The following BOC variants were observed in gnomAD, a reference collection of about 807,000 sequenced individuals.
The protein encoded by BOC is brother of CDO.
Under a neutral mutation model 112.0 loss-of-function variants are expected in BOC, and 76 were observed. The ratio of observed to expected loss-of-function variants is 0.68; its 90% CI spans 0.56 to 0.82. The LOEUF (loss-of-function observed/expected upper bound fraction) is 0.82, where lower values mean the gene tolerates loss of function less well. Ranked by LOEUF, BOC falls within the 40% of genes least tolerant of loss-of-function variation. The probability of loss-of-function intolerance (pLI) is 0.00; values close to 1 mark genes in which losing one functional copy is unlikely to be tolerated. For synonymous variants in BOC, 580 were observed against 599.8 expected (o/e 0.97, Z 0.48); for missense variants, 1,309 against 1,511.7 (o/e 0.87, Z 2.22).
chr3:113,281,173 C>G lies in BOC; in HGVS notation c.2434+20C>G. The G allele has an allele frequency of 6.2e-7, 1 of 1,613,398 alleles. No homozygotes were observed. Among genetic ancestry groups the G allele is most frequent in the Non-Finnish European group, 8.5e-7 (1 of 1,179,558 alleles). ...CCAAAGGTGAAGCTCTTTGGGTTCTCTCTCCTGTCTTGGTGTTTCCAGCGA... is the reference window on the plus strand; with the variant it reads ...CCAAAGGTGAAGCTCTTTGGGTTCTGTCTCCTGTCTTGGTGTTTCCAGCGA... On this transcript the variant is annotated intron_variant, in intron 15 of 19. Coordinates refer to ENST00000682979, the MANE Select transcript of BOC (RefSeq NM_001378074.1).
Position 113,278,279 on chromosome 3 carries a change from T to C in BOC, c.1705+22T>C, listed in dbSNP as rs1483830361. ...ACTGGTGAGAGTCAAACATTGCCCC[T>C]TGCTTAGGGTTTCCGTGGGTCTAAG... On this transcript the variant is annotated intron_variant, in intron 10 of 19. Coordinates refer to ENST00000682979, the MANE Select transcript of BOC (RefSeq NM_001378074.1). This position sits in a 1 kb window ranked among gnomAD's most constrained non-coding sequence, Gnocchi z 4.2. 6.2e-7 allele frequency: 1 copy of C among 1,612,346 alleles called. No individual in the cohort carries two copies. Among genetic ancestry groups the C allele is most frequent in the Non-Finnish European group, 8.5e-7 (1 of 1,178,586 alleles).
Position 113,268,237 on chromosome 3 carries a change from C to T in BOC, c.377-62C>T, listed in dbSNP as rs899211982. The T allele has an allele frequency of 1.2e-5, 19 of 1,599,864 alleles. No individual in the cohort carries two copies. In the African/African-American group the frequency reaches 2.0e-4, roughly 17 times the overall value. The stretch of plus-strand genomic sequence containing the variant: ...CTGACAACACCAAGGCACAAGCCCA[C>T]CCTGAAATGTCACACTTTTGCTCTG... On this transcript the variant is annotated intron_variant, in intron 4 of 19. Transcript: ENST00000682979.
Position 113,279,364 on chromosome 3 carries a change from CAAGAAGCTA to C in BOC, c.1938_1946del (p.Leu647_Lys649del). Reference sequence around the variant, plus strand: ...CAATCCAGTCCTTCCGTGTGGAGTACAAGAAGCTAAAGAAAGTGGGAGACTGGATTCTGG... The same window carrying C: ...CAATCCAGTCCTTCCGTGTGGAGTACAAGAAAGTGGGAGACTGGATTCTGG... On this transcript the variant is annotated inframe_deletion, in exon 12 of 20. Transcript: ENST00000682979. 3 of 1,614,180 alleles carry C rather than the reference CAAGAAGCTA, an allele frequency of 1.9e-6. No homozygotes were observed. Among genetic ancestry groups the C allele is most frequent in the Non-Finnish European group, 2.5e-6 (3 of 1,180,030 alleles).
rs191384294 is a variant in BOC, at chr3:113,286,398, G to A, written c.3161-277G>A. 2.8e-3 allele frequency among the ~76,000 whole-genome samples: 424 copies of A among 152,270 alleles called. 5 individuals carry two copies. The highest frequency in any genetic ancestry group is 0.017 in the Middle Eastern group (5 of 294). On this transcript the variant is annotated intron_variant, in intron 19 of 19. Transcript: ENST00000682979. Reference sequence around the variant, plus strand: ...AGCAGGGCTTCCTTCTGCGTTTCACGGGCTGCACTGACTTCATCTGCTCCT... The same window carrying A: ...AGCAGGGCTTCCTTCTGCGTTTCACAGGCTGCACTGACTTCATCTGCTCCT...
intron 2 of BOC, among the ~76,000 whole-genome samples, chr3:113,229,278 C>T (rs1942204860): frequency 6.6e-6 from 1 of 152,236 alleles, no homozygotes. Context: ...CCTTGGATGG[C>T]CAACGGCTGT....
At chr3:113,232,939 T>C (rs1338068690) in intron 2 of BOC, among the ~76,000 whole-genome samples, 2 of 152,172 alleles carry the variant, frequency 1.3e-5, no homozygotes, top group Non-Finnish European at 2.9e-5. Flanking sequence ...CCTTTTAAAG[T>C]TCGGGGTAAG....
chr3:113,213,438 G>A (rs1938656892), intron 1 of BOC, among the ~76,000 whole-genome samples: 1 of 152,152 alleles, frequency 6.6e-6, no homozygotes, highest in Non-Finnish European at 1.5e-5. Context: ...TCTTAAACAG[G>A]CAGCCCAGCT....
chr3:113,216,098 A>G (rs545369216), intron 1 of BOC, 89 bp from the exon 2 acceptor site: 112 of 354,098 alleles, frequency 3.2e-4, no homozygotes, highest in African/African-American at 2.3e-3. Flanking sequence ...AGGACTTACT[A>G]TGGTTTATAT....
At chr3:113,260,034 G>T (rs1946648740) in intron 4 of BOC, among the ~76,000 whole-genome samples, 1 of 152,130 alleles carries the variant, frequency 6.6e-6, no homozygotes, top group Non-Finnish European at 1.5e-5. Flanking sequence ...TCTAGAGTAG[G>T]TTCTCTTCCC....
chr3:113,219,416 C>T (rs1465621864), intron 2 of BOC, among the ~76,000 whole-genome samples: 12 of 152,214 alleles, frequency 7.9e-5, no homozygotes, highest in Non-Finnish European at 1.8e-4. Context: ...TGCAATCCCC[C>T]AGCAGTCCTG....
intron 2 of BOC, among the ~76,000 whole-genome samples, chr3:113,246,684 A>G (rs944348606): frequency 6.9e-6 from 1 of 144,002 alleles, no homozygotes; most frequent in Non-Finnish European, 1.5e-5. Flanking sequence ...TTCCCCAAAC[A>G]TAGCCATATT....
chr3:113,261,110 G>A (rs145411055), intron 4 of BOC, among the ~76,000 whole-genome samples: 13 of 152,198 alleles, frequency 8.5e-5, no homozygotes, highest in African/African-American at 2.4e-4. Context: ...CCACTGCCCC[G>A]TCTCTCCCAC....
At chr3:113,271,046 C>T (rs772662073) in intron 6 of BOC, 102 bp downstream of exon 6, 3 of 1,545,832 alleles carry the variant, frequency 1.9e-6, no homozygotes, top group South Asian at 2.2e-5. Flanking sequence ...CATCCAAGCT[C>T]CAGTTCTGTG....
chr3:113,276,448 C>A (rs1256707508), intron 9 of BOC, among the ~76,000 whole-genome samples: 2 of 152,212 alleles, frequency 1.3e-5, no homozygotes, highest in African/African-American at 4.8e-5. Flanking sequence ...GCCCCTGCTG[C>A]GTCTGGCTTC....
chr3:113,227,109 CATT>C (rs1368177637), intron 2 of BOC, among the ~76,000 whole-genome samples: 3 of 152,156 alleles, frequency 2.0e-5, no homozygotes, highest in Non-Finnish European at 4.4e-5. Context: ...TTATTATCAT[CATT>C]ATTATTAGCT....
chr3:113,250,608 G>A lies in BOC; in HGVS notation c.151G>A (p.Gly51Ser). ...TGCGTCCACCGTCCAGAAGCCCGGAGGCACTGTGATCTTGGGCTGCGTGGT... is the reference window on the plus strand; with the variant it reads ...TGCGTCCACCGTCCAGAAGCCCGGAAGCACTGTGATCTTGGGCTGCGTGGT... ...QPASTVQKPGGTVILGCVVEP... is the reference protein window; with the variant it reads ...QPASTVQKPGSTVILGCVVEP... Residue 51 changes from glycine (G) to serine (S), a missense_variant, in exon 4 of 20, where the codon GGC becomes AGC. Coordinates refer to ENST00000682979, the MANE Select transcript of BOC (RefSeq NM_001378074.1). 6.2e-7 allele frequency: 1 copy of A among 1,614,178 alleles called. No individual in the cohort carries two copies. Among genetic ancestry groups the A allele is most frequent in the Non-Finnish European group, 8.5e-7 (1 of 1,180,034 alleles).
chr3:113,279,566 AC>A, intron 12 of BOC, 111 bp downstream of exon 12: 1 of 1,054,562 alleles, frequency 9.5e-7, no homozygotes, highest in Non-Finnish European at 1.4e-6. Context: ...GCCCCCACCC[AC>A]CAGCATGCCT....
At chr3:113,251,966 G>A (rs1233642923) in intron 4 of BOC, 1 of 152,236 alleles carries the variant, frequency 6.6e-6, no homozygotes, top group Non-Finnish European at 1.5e-5. Context: ...CCCATTGTAT[G>A]AGGCTAGATG....
intron 11 of BOC, 137 bp from the exon 12 acceptor site, chr3:113,279,112 G>A (rs1948941244): frequency 1.1e-6 from 1 of 872,246 alleles, no homozygotes; most frequent in South Asian, 1.7e-5. Context: ...GAACACCAGT[G>A]GGTGGAGGGC....
Sources: allele counts gnomAD v4.1 joint callset (sites outside exome capture counted in the v4.1 genomes callset), GRCh38; gene constraint gnomAD v4.1.1; non-coding constraint Gnocchi (gnomAD v3.1); transcripts MANE v1.5; gene names NCBI Gene and HGNC (gene_info 2026-07-23, HGNC 2026-07-21).